Variants in CDK8 observed in about 807,000 individuals in gnomAD.
The protein encoded by CDK8 is cyclin dependent kinase 8, also known as cyclin-dependent kinase 8.
CDK8 carries 29 observed loss-of-function variants against 71.5 expected under a neutral mutation model. The ratio of observed to expected loss-of-function variants is 0.41; its 90% CI spans 0.30 to 0.55. The LOEUF (loss-of-function observed/expected upper bound fraction) is 0.55. Among genes scored for constraint, CDK8 ranks in the 20% least tolerant of loss-of-function variants. The pLI is 0.37. For synonymous variants in CDK8, 161 were observed against 192.1 expected (o/e 0.84, Z 1.34); for missense variants, 288 against 572.6 (o/e 0.50, Z 5.07).
In CDK8 at chr13:26,397,149, T is replaced by G; in HGVS notation, c.861-4T>G. The G allele has an allele frequency of 6.5e-7, 1 of 1,547,406 alleles. No homozygotes were observed. Among genetic ancestry groups the G allele is most frequent in the Non-Finnish European group, 8.9e-7 (1 of 1,121,894 alleles). ...ATAGCTATTTCATAGTATTTCTCTTTCAGGTATACCAACTGCAGCCTTATC... is the reference window on the plus strand; with the variant it reads ...ATAGCTATTTCATAGTATTTCTCTTGCAGGTATACCAACTGCAGCCTTATC... On this transcript the variant is annotated splice_polypyrimidine_tract_variant and splice_region_variant and intron_variant, in intron 8 of 12. Coordinates refer to ENST00000381527, the MANE Select transcript of CDK8 (RefSeq NM_001260.3).
intron 1 of CDK8, among the ~76,000 whole-genome samples, chr13:26,307,103 A>G (rs1022306412): frequency 6.6e-6 from 1 of 152,234 alleles, no homozygotes; most frequent in Non-Finnish European, 1.5e-5. Context: ...AAAACATTAG[A>G]AAAGTTATAG....
intron 1 of CDK8, among the ~76,000 whole-genome samples, chr13:26,321,463 G>A (rs1164104859): frequency 6.6e-6 from 1 of 152,054 alleles, no homozygotes; most frequent in Non-Finnish European, 1.5e-5. Flanking sequence ...GGATGGTGGT[G>A]ATGGTTGTAC....
At chr13:26,326,066 ACTT>A (rs1290873385) in intron 1 of CDK8, among the ~76,000 whole-genome samples, 3 of 152,208 alleles carry the variant, frequency 2.0e-5, no homozygotes, top group Non-Finnish European at 4.4e-5. Context: ...TTTGTATTCT[ACTT>A]CTAAGCCAAG....
intron 1 of CDK8, among the ~76,000 whole-genome samples, chr13:26,300,510 G>A (rs2137915273): frequency 6.6e-6 from 1 of 152,286 alleles, no homozygotes; most frequent in Middle Eastern, 3.4e-3. Context: ...ACTGCGGAAA[G>A]CCAACCATGG....
At chr13:26,315,197 A>T (rs1470826808) in intron 1 of CDK8, among the ~76,000 whole-genome samples, 1 of 152,190 alleles carries the variant, frequency 6.6e-6, no homozygotes, top group Non-Finnish European at 1.5e-5. Context: ...ACACAATTCA[A>T]ATTTTTCACC....
At chr13:26,311,950 G>T (rs1361815397) in intron 1 of CDK8, among the ~76,000 whole-genome samples, 2 of 152,182 alleles carry the variant, frequency 1.3e-5, no homozygotes, top group African/African-American at 2.4e-5. Context: ...ATAGACATTG[G>T]GTGGTAAACC....
intron 10 of CDK8, 25 bp downstream of exon 10, chr13:26,400,575 A>C (rs2138073974): frequency 6.6e-6 from 9 of 1,361,816 alleles, no homozygotes; most frequent in Non-Finnish European, 9.5e-6. Flanking sequence ...TGGTTAACTC[A>C]TCAGCATGAT....
At position 26,254,415 on chromosome 13, in the gene CDK8, C is replaced by A; in HGVS notation, c.-227C>A. 2.5e-6 allele frequency: 1 copy of A among 405,958 alleles called. No individual in the cohort carries two copies. Among genetic ancestry groups the A allele is most frequent in the Non-Finnish European group, 4.5e-6 (1 of 222,398 alleles). 25.1% of individuals were successfully genotyped at this position (405,958 alleles called of 1,614,324 possible). ...CGGCTCTCCTTCGCCGGGGGATCCT[C>A]CCCGTTCCTCCACCCCCGGCCGGCC... On this transcript the variant is annotated 5_prime_UTR_variant, in exon 1 of 13. Transcript: ENST00000381527. The surrounding 1 kb of genome is among the most constrained non-coding windows in gnomAD (Gnocchi z 6.7).
chr13:26,380,237 T>TGTCCTGATTTCAGGTCACTGCAAC (rs1875154309), intron 4 of CDK8, among the ~76,000 whole-genome samples: 1 of 152,198 alleles, frequency 6.6e-6, no homozygotes, highest in Non-Finnish European at 1.5e-5. Context: ...TGGAGTGCAA[T>TGTCCTGATTTCAGGTCACTGCAAC]GTCCTGATTT....
chr13:26,381,483 A>AT (rs918181944), intron 4 of CDK8, among the ~76,000 whole-genome samples: 5 of 152,064 alleles, frequency 3.3e-5, no homozygotes, highest in East Asian at 3.9e-4. Context: ...AGGTTCTGAG[A>AT]TTTTTTTGTG....
intron 3 of CDK8, among the ~76,000 whole-genome samples, chr13:26,350,551 G>A (rs912194890): frequency 2.0e-5 from 3 of 152,100 alleles, no homozygotes; most frequent in East Asian, 1.9e-4. Context: ...TCAGGAAGTC[G>A]AGGCTGCAGT....
chr13:26,296,619 A>G (rs1277701445), intron 1 of CDK8, among the ~76,000 whole-genome samples: 2 of 152,168 alleles, frequency 1.3e-5, no homozygotes, highest in Admixed American at 1.3e-4. Context: ...GTTTGCAAGT[A>G]GTAGCTAGTA....
chr13:26,279,809 T>C (rs1024945284), intron 1 of CDK8, among the ~76,000 whole-genome samples: 3 of 152,220 alleles, frequency 2.0e-5, no homozygotes, highest in Non-Finnish European at 4.4e-5. Flanking sequence ...GGGGGTGTTA[T>C]ATAAATGATA....
chr13:26,324,859 T>G, intron 1 of CDK8: 1 of 564,120 alleles, frequency 1.8e-6, no homozygotes, highest in Non-Finnish European at 2.2e-6. Flanking sequence ...ATTCTAGTTC[T>G]GATAATGTAC....
intron 1 of CDK8, among the ~76,000 whole-genome samples, chr13:26,257,460 C>T (rs1871573300): frequency 1.3e-5 from 2 of 152,104 alleles, no homozygotes; most frequent in African/African-American, 2.4e-5. Flanking sequence ...CCTTTTATAA[C>T]TTTGTTAATT....
At chr13:26,360,316 T>G (rs1414552959) in intron 4 of CDK8, among the ~76,000 whole-genome samples, 1 of 152,116 alleles carries the variant, frequency 6.6e-6, no homozygotes, top group Non-Finnish European at 1.5e-5. Context: ...AAACACATTG[T>G]CAAATATGCT....
At chr13:26,374,691 A>G (rs1874863898) in intron 4 of CDK8, among the ~76,000 whole-genome samples, 1 of 152,156 alleles carries the variant, frequency 6.6e-6, no homozygotes, top group South Asian at 2.1e-4. Context: ...AGTAAGTCAT[A>G]TGATTACCAA....
At chr13:26,276,128 T>C (rs991619499) in intron 1 of CDK8, among the ~76,000 whole-genome samples, 20 of 152,252 alleles carry the variant, frequency 1.3e-4, no homozygotes, top group Admixed American at 1.2e-3. Context: ...CCCAAAGTGC[T>C]GGGATTACAG....
chr13:26,359,043 A>G (rs1874018760), intron 4 of CDK8: 1 of 295,400 alleles, frequency 3.4e-6, no homozygotes, highest in Non-Finnish European at 6.7e-6. Context: ...AAAAATTACA[A>G]AATTTCTTTT....
Sources: allele counts gnomAD v4.1 joint callset (sites outside exome capture counted in the v4.1 genomes callset), GRCh38; gene constraint gnomAD v4.1.1; non-coding constraint Gnocchi (gnomAD v3.1); transcripts MANE v1.5; gene names NCBI Gene and HGNC (gene_info 2026-07-23, HGNC 2026-07-21).